Variants in NLGN1 observed in about 807,000 individuals in gnomAD.
NLGN1 encodes the protein neuroligin-1.
In NLGN1, 12 loss-of-function variants were observed where a neutral mutation model predicts 65.5. That is an observed-to-expected ratio of 0.18 (90% CI 0.12 to 0.30). The LOEUF is 0.30. NLGN1 is among the 10% of genes least tolerant of loss of function. NLGN1 has a pLI of 1.00. For missense variants in NLGN1, 750 were observed against 1,007.1 expected, an observed-to-expected ratio of 0.74 and a Z score of 3.46; for synonymous variants, 350 against 359.5, an observed-to-expected ratio of 0.97 and a Z score of 0.30.
intron 2 of NLGN1, among the ~76,000 whole-genome samples, chr3:173,468,796 C>G (rs1724814214): frequency 6.6e-6 from 1 of 151,974 alleles, no homozygotes; most frequent in Non-Finnish European, 1.5e-5. Flanking sequence ...TGAGTTGAAT[C>G]AACTCAGTTT....
chr3:173,655,756 T>A (rs1285179777), intron 3 of NLGN1, among the ~76,000 whole-genome samples: 2 of 148,562 alleles, frequency 1.3e-5, no homozygotes, highest in Non-Finnish European at 3.0e-5. Flanking sequence ...CAGTTAAAAT[T>A]AAAAAAAAAA....
chr3:173,908,345 G>T (rs1356654482), intron 4 of NLGN1, among the ~76,000 whole-genome samples: 2 of 152,028 alleles, frequency 1.3e-5, no homozygotes, highest in Non-Finnish European at 2.9e-5. Flanking sequence ...GTAAAACAAA[G>T]GATGCTTTTT....
At chr3:173,944,124 G>GTTGT (rs34721217) in intron 4 of NLGN1, among the ~76,000 whole-genome samples, 1,823 of 139,582 alleles carry the variant, frequency 0.013, 37 homozygotes, top group African/African-American at 0.042. Flanking sequence ...TAATATTATG[G>GTTGT]GTGTGTGTGT....
At chr3:174,175,915 G>GGATATTTCTCCTGAA (rs1450608052) in intron 4 of NLGN1, among the ~76,000 whole-genome samples, 1 of 151,762 alleles carries the variant, frequency 6.6e-6, no homozygotes, top group Non-Finnish European at 1.5e-5. Flanking sequence ...AATATCTTCA[G>GGATATTTCTCCTGAA]GATATTTCTC....
At chr3:174,201,283 A>G (rs1159504384) in intron 4 of NLGN1, among the ~76,000 whole-genome samples, 1 of 135,440 alleles carries the variant, frequency 7.4e-6, no homozygotes, top group Admixed American at 7.5e-5. Context: ...AGGAAAGGAA[A>G]GGAACGGAAA....
intron 2 of NLGN1, among the ~76,000 whole-genome samples, chr3:173,493,457 C>T (rs1192064989): frequency 6.6e-6 from 1 of 151,878 alleles, no homozygotes; most frequent in Non-Finnish European, 1.5e-5. Flanking sequence ...TTAGTAAGCA[C>T]TCTTGTCTAT....
intron 4 of NLGN1, among the ~76,000 whole-genome samples, chr3:173,982,357 A>G (rs1445466350): frequency 6.6e-6 from 1 of 152,096 alleles, no homozygotes; most frequent in Non-Finnish European, 1.5e-5. Context: ...ATATTTAATT[A>G]TTACATATTT....
At chr3:173,554,100 A>T (rs1026627038) in intron 2 of NLGN1, among the ~76,000 whole-genome samples, 1 of 152,106 alleles carries the variant, frequency 6.6e-6, no homozygotes, top group Non-Finnish European at 1.5e-5. Flanking sequence ...AATAATTTTA[A>T]TTTTTTAATA....
At chr3:173,946,942 A>C (rs1747285741) in intron 4 of NLGN1, among the ~76,000 whole-genome samples, 1 of 152,204 alleles carries the variant, frequency 6.6e-6, no homozygotes, top group Non-Finnish European at 1.5e-5. Context: ...CTGGTCCTCC[A>C]CAATGCTTCA....
chr3:174,027,885 A>G (rs1460417749), intron 4 of NLGN1, among the ~76,000 whole-genome samples: 1 of 152,142 alleles, frequency 6.6e-6, no homozygotes, highest in African/African-American at 2.4e-5. Flanking sequence ...GAATTGTGAT[A>G]ATCTCCATGT....
chr3:174,257,902 TTA>T (rs146056725), intron 4 of NLGN1, among the ~76,000 whole-genome samples: 2,324 of 147,642 alleles, frequency 0.016, 47 homozygotes, highest in African/African-American at 0.036. Context: ...TTATATCTCC[TTA>T]TATATATATA....
chr3:173,531,220 G>A (rs1008525341), intron 2 of NLGN1, among the ~76,000 whole-genome samples: 4 of 151,902 alleles, frequency 2.6e-5, no homozygotes, highest in African/African-American at 9.7e-5. Context: ...CAAATACTTT[G>A]ATGCCAAGAA....
chr3:174,041,354 A>T (rs1310605993), intron 4 of NLGN1, among the ~76,000 whole-genome samples: 1 of 152,134 alleles, frequency 6.6e-6, no homozygotes, highest in Non-Finnish European at 1.5e-5. Context: ...CCACTGTGTT[A>T]TTATACCACA....
At chr3:173,445,739 A>G (rs1720146227) in intron 2 of NLGN1, among the ~76,000 whole-genome samples, 1 of 152,196 alleles carries the variant, frequency 6.6e-6, no homozygotes, top group Non-Finnish European at 1.5e-5. Context: ...TGAACCTAGC[A>G]GGGTTTTCTT....
rs189824021 is a variant in NLGN1 at position 174,236,853 on chromosome 3, T to C, written c.647-38462T>C. Among the ~76,000 whole-genome samples the C allele has an allele frequency of 4.6e-5, 7 of 152,248 alleles. No homozygotes were observed. The East Asian group carries it at 1.3e-3, about 29-fold the overall frequency. On this transcript the variant is annotated intron_variant, in intron 4 of 6. Coordinates refer to ENST00000457714, the Ensembl canonical transcript of NLGN1. ...ATTTTCCTAGTTTTTATTATATAGA[T>C]TCTATGGCTTACTTTTAGTTTCCCA...
At chr3:173,645,151 A>G (rs535804387) in intron 3 of NLGN1, among the ~76,000 whole-genome samples, 1 of 152,348 alleles carries the variant, frequency 6.6e-6, no homozygotes, top group African/African-American at 2.4e-5. Flanking sequence ...GGCAACTTTC[A>G]GGTTCTTGCT....
intron 3 of NLGN1, among the ~76,000 whole-genome samples, chr3:173,687,838 A>G (rs1764901264): frequency 6.6e-6 from 1 of 152,214 alleles, no homozygotes; most frequent in South Asian, 2.1e-4. Flanking sequence ...AGCCTCCCAA[A>G]TTAAAAAGTG....
intron 3 of NLGN1, among the ~76,000 whole-genome samples, chr3:173,773,798 A>G (rs1222311207): frequency 6.6e-6 from 1 of 152,226 alleles, no homozygotes; most frequent in East Asian, 1.9e-4. Flanking sequence ...TCAGAAGTTA[A>G]TAAATGCTAT....
chr3:173,980,774 A>G (rs1164756804), intron 4 of NLGN1, among the ~76,000 whole-genome samples: 3 of 152,088 alleles, frequency 2.0e-5, no homozygotes, highest in Non-Finnish European at 4.4e-5. Flanking sequence ...GTACTTGGGC[A>G]GGGGTGGGAA....
Sources: gnomAD v4.1 joint callset for allele counts (sites outside exome capture counted in the v4.1 genomes callset) on GRCh38, gnomAD v4.1.1 for gene constraint, MANE v1.5 for transcripts, NCBI Gene and HGNC (gene_info 2026-07-23, HGNC 2026-07-21) for gene names.